MYO5B: variants seen among roughly 807,000 people sequenced by gnomAD.
MYO5B encodes myosin VB.
A neutral mutation model predicts 229.3 loss-of-function variants in MYO5B; 143 were observed. The observed-to-expected ratio is 0.62, with a 90% CI of 0.54 to 0.72. The LOEUF is 0.72. Among genes scored for constraint, MYO5B ranks in the 30% least tolerant of loss-of-function variants. MYO5B has a pLI of 0.00. For missense variants in MYO5B, 2,321 were observed against 2,331.0 expected, an observed-to-expected ratio of 1.00 and a Z score of 0.09; for synonymous variants, 918 against 885.2, an observed-to-expected ratio of 1.04 and a Z score of -0.66.
chr18:49,965,313 C>A (rs982527272), intron 10 of MYO5B, among the ~76,000 whole-genome samples: 1 of 152,166 alleles, frequency 6.6e-6, no homozygotes, highest in Non-Finnish European at 1.5e-5. Context: ...GCTTTAGCTA[C>A]AAATGCTTGC....
chr18:49,905,358 T>C (rs113692033), intron 19 of MYO5B, among the ~76,000 whole-genome samples: 9 of 152,140 alleles, frequency 5.9e-5, no homozygotes, highest in Admixed American at 6.5e-5. Context: ...TCGGGATGCA[T>C]GGAATGTGGC....
At chr18:49,903,781 G>A (rs2024869685) in intron 20 of MYO5B, among the ~76,000 whole-genome samples, 1 of 152,234 alleles carries the variant, frequency 6.6e-6, no homozygotes, top group African/African-American at 2.4e-5. Flanking sequence ...ATGTGTTGGT[G>A]TTACCTGGTT....
chr18:49,853,602 C>T lies in MYO5B; in HGVS notation c.4068G>A (p.Glu1356=), dbSNP rs1166420830. The change falls in exon 31 of 40, where the codon GAG becomes GAA. Residue 1356 remains glutamate (E), a synonymous_variant. Transcript: ENST00000285039. ...GCTGAGCCTTGAGATGCTCCACCTC[C>T]TCCTCATGCTCCAGGCTCTGGGCCT... ...QLQAQSLEHE[E]EVEHLKAQLE... 6.2e-7 allele frequency: 1 copy of T among 1,613,930 alleles called. No individual in the cohort carries two copies. The highest frequency in any genetic ancestry group is 8.5e-7 in the Non-Finnish European group (1 of 1,180,044).
chr18:50,099,856 C>T (rs1033426065), intron 1 of MYO5B, among the ~76,000 whole-genome samples: 4 of 152,208 alleles, frequency 2.6e-5, no homozygotes, highest in Non-Finnish European at 5.9e-5. Flanking sequence ...ACTTTATCCT[C>T]CACCAAAAGG....
chr18:50,122,635 GAGAGAGA>G (rs1193857445), intron 1 of MYO5B, among the ~76,000 whole-genome samples: 6 of 6,102 alleles, frequency 9.8e-4, no homozygotes, highest in African/African-American at 5.3e-3. Flanking sequence ...AAGGGGGGGG[GAGAGAGA>G]GAGAGAGAGA....
At chr18:50,105,248 T>TAAATAAATAAA (rs1248634941) in intron 1 of MYO5B, among the ~76,000 whole-genome samples, 69 of 131,668 alleles carry the variant, frequency 5.2e-4, no homozygotes, top group Middle Eastern at 3.8e-3. Flanking sequence ...AATAAATAAA[T>TAAATAAATAAA]AAAAAATAGA....
intron 1 of MYO5B, among the ~76,000 whole-genome samples, chr18:50,109,433 T>C (rs1361003696): frequency 6.6e-6 from 1 of 151,908 alleles, no homozygotes; most frequent in Non-Finnish European, 1.5e-5. Flanking sequence ...TTTCTTTTTT[T>C]TTTTTTTTTG....
chr18:50,195,050 C>G lies in MYO5B; in HGVS notation c.-257G>C. ...AGCGCCGGGGGAGGAGGCCGCGCCG[C>G]ACCACTCCCCTCCCAGGTGTGGGGA... is the stretch of plus-strand genomic sequence containing the variant. On this transcript the variant is annotated 5_prime_UTR_variant, in exon 1 of 40. Transcript: ENST00000285039. 2.9e-6 allele frequency: 1 copy of G among 345,480 alleles called. No individual in the cohort carries two copies. The highest frequency in any genetic ancestry group is 5.1e-6 in the Non-Finnish European group (1 of 195,658). 21.4% of individuals were successfully genotyped at this position (345,480 alleles called of 1,614,324 possible). A position where few individuals can be genotyped will look rare whatever the true frequency, so the allele number is the denominator to read the frequency against.
intron 1 of MYO5B, among the ~76,000 whole-genome samples, chr18:50,181,684 G>A (rs4939950): frequency 0.51 from 77,922 of 151,990 alleles, 20,123 homozygotes; most frequent in Admixed American, 0.6. Flanking sequence ...ACCTTCAGAC[G>A]GTGCAGGATG....
At chr18:50,178,656 T>C (rs2033030203) in intron 1 of MYO5B, among the ~76,000 whole-genome samples, 1 of 152,218 alleles carries the variant, frequency 6.6e-6, no homozygotes, top group Non-Finnish European at 1.5e-5. Context: ...CAGGCTACCA[T>C]TCCAGGGCTT....
intron 14 of MYO5B, among the ~76,000 whole-genome samples, chr18:49,947,101 C>CCTT (rs2025382457): frequency 9.2e-6 from 1 of 108,292 alleles, no homozygotes; most frequent in Non-Finnish European, 1.8e-5. Context: ...TCACCAAGCT[C>CCTT]TTTTTTTTTT....
chr18:50,051,124 C>CTATCTTTA (rs1299466917), intron 2 of MYO5B, among the ~76,000 whole-genome samples: 1 of 152,158 alleles, frequency 6.6e-6, no homozygotes, highest in Non-Finnish European at 1.5e-5. Flanking sequence ...AGAATTGCAA[C>CTATCTTTA]TATCTTTATT....
At chr18:49,943,466 A>T (rs919051742) in intron 14 of MYO5B, among the ~76,000 whole-genome samples, 1 of 152,232 alleles carries the variant, frequency 6.6e-6, no homozygotes, top group East Asian at 1.9e-4. Context: ...TAAAAACACA[A>T]TTTAAGATCT....
intron 7 of MYO5B, among the ~76,000 whole-genome samples, chr18:49,988,453 C>G (rs1568060490): frequency 6.6e-6 from 1 of 152,126 alleles, no homozygotes; most frequent in Admixed American, 6.5e-5. Flanking sequence ...AGTGCTGCAG[C>G]CTGGGGCCCA....
At chr18:49,853,258 A>G (rs2024222732) in intron 31 of MYO5B, among the ~76,000 whole-genome samples, 191 bp downstream of exon 31, 1 of 152,208 alleles carries the variant, frequency 6.6e-6, no homozygotes, top group African/African-American at 2.4e-5. Flanking sequence ...GGCCCCAGAC[A>G]CAGGAGTGGG....
At chr18:49,899,755 C>T (rs531044649) in intron 21 of MYO5B, among the ~76,000 whole-genome samples, 27 of 152,170 alleles carry the variant, frequency 1.8e-4, no homozygotes, top group African/African-American at 5.8e-4. Flanking sequence ...AAGAGCACAG[C>T]GTGCCTAGTC....
intron 5 of MYO5B, among the ~76,000 whole-genome samples, chr18:49,998,976 T>C (rs1415400656): frequency 6.6e-6 from 1 of 152,216 alleles, no homozygotes; most frequent in Non-Finnish European, 1.5e-5. Context: ...ACTGTACACT[T>C]AAAATGGTTA....
At chr18:49,867,357 G>A (rs918986400) in intron 27 of MYO5B, among the ~76,000 whole-genome samples, 4 of 152,286 alleles carry the variant, frequency 2.6e-5, no homozygotes, top group East Asian at 3.9e-4. Flanking sequence ...TCAGATGTGT[G>A]CAGCTGTAGT....
chr18:50,062,789 C>T (rs2030720700), intron 1 of MYO5B, among the ~76,000 whole-genome samples: 1 of 152,150 alleles, frequency 6.6e-6, no homozygotes, highest in Non-Finnish European at 1.5e-5. Flanking sequence ...TGTTGGTCAT[C>T]TTCCCTTCAC....
Sources: allele counts gnomAD v4.1 joint callset (sites outside exome capture counted in the v4.1 genomes callset), GRCh38; gene constraint gnomAD v4.1.1; transcripts MANE v1.5; gene names NCBI Gene and HGNC (gene_info 2026-07-23, HGNC 2026-07-21).